DDX49: variants seen among roughly 807,000 people sequenced by gnomAD.
DDX49 encodes the protein probable ATP-dependent RNA helicase DDX49.
In DDX49, 50 loss-of-function variants were observed where a neutral mutation model predicts 56.3. That is an observed-to-expected ratio of 0.89 (90% CI 0.71 to 1.12). DDX49 has a LOEUF of 1.12. Ranked by LOEUF, DDX49 falls within the 50% of genes most tolerant of loss-of-function variation. The probability of loss-of-function intolerance (pLI) is 0.00; values close to 1 mark genes in which losing one functional copy is unlikely to be tolerated. For missense variants in DDX49, 614 were observed against 650.5 expected (o/e 0.94, Z 0.61); for synonymous variants, 269 against 270.6 (o/e 0.99, Z 0.06).
At chr19:18,920,337 C>A (rs754956564) in intron 1 of DDX49, among the ~76,000 whole-genome samples, 1 of 152,138 alleles carries the variant, frequency 6.6e-6, no homozygotes, top group Non-Finnish European at 1.5e-5. Flanking sequence ...ATTAAATAAA[C>A]AAATGAAGGG....
chr19:18,928,381 C>T lies in DDX49; in HGVS notation c.*65C>T. On this transcript the variant is annotated 3_prime_UTR_variant, in exon 13 of 13. Transcript: ENST00000247003. ...GGAGCTGAGGGTCGGAGGAACCTTC[C>T]TTGGGGGCAGCAGCCCTTCCCGGGG... 7.0e-7 allele frequency: 1 copy of T among 1,424,400 alleles called. No homozygotes were observed. 88.2% of individuals were successfully genotyped at this position (1,424,400 alleles called of 1,614,324 possible).
At position 18,928,136 on chromosome 19, in the gene DDX49, CCTG is replaced by C. The variant is rs1568332205; in HGVS notation, c.1273_1275del (p.Leu425del). 6.2e-7 allele frequency: 1 copy of C among 1,607,656 alleles called. No homozygotes were observed. Among genetic ancestry groups the C allele is most frequent in the Non-Finnish European group, 8.5e-7 (1 of 1,177,088 alleles). On this transcript the variant is annotated inframe_deletion, in exon 13 of 13. Coordinates refer to ENST00000247003, the MANE Select transcript of DDX49 (RefSeq NM_019070.5). ...GGTCCTCCCTGTGCCAGGACCCTGA[CCTG>C]GAGGCCAAGCGCAAGGCTGAGCTGG...
intron 4 of DDX49, 158 bp downstream of exon 4, chr19:18,922,122 C>A: frequency 8.2e-7 from 1 of 1,216,238 alleles, no homozygotes; most frequent in Non-Finnish European, 1.1e-6. Context: ...GTTCAAGGAC[C>A]AACAAGAGGG....
chr19:18,920,807 A>G (rs1601246970), intron 2 of DDX49, 104 bp downstream of exon 2: 1 of 1,266,156 alleles, frequency 7.9e-7, no homozygotes, highest in East Asian at 2.6e-5. Flanking sequence ...TGAGATGAGC[A>G]TGAAAATCTT....
chr19:18,922,038 C>T, intron 4 of DDX49, 74 bp downstream of exon 4: 6 of 1,530,836 alleles, frequency 3.9e-6, no homozygotes, highest in Admixed American at 4.0e-5. Flanking sequence ...GAGCCTGGGG[C>T]ACCATCTCAT....
At position 18,927,811 on chromosome 19, in the gene DDX49, A is replaced by C; in HGVS notation, c.1148A>C (p.Gln383Pro). The change falls in exon 11 of 13, where the codon CAG (glutamine) becomes CCG (proline). Residue 383 changes from glutamine (Q) to proline (P), a missense_variant. By Grantham distance (76) the Gln-to-Pro change is moderately conservative (BLOSUM62 -1). Transcript: ENST00000247003. ...EFSVEEAEVL[Q>P]ILTQVNVVRR... ...TCCGTGGAAGAGGCCGAGGTGCTAC[A>C]GATCCTCACACAGGTCAACGTGGTG... 6.2e-7 allele frequency: 1 copy of C among 1,614,016 alleles called. No individual in the cohort carries two copies. Among genetic ancestry groups the C allele is most frequent in the Non-Finnish European group, 8.5e-7 (1 of 1,180,004 alleles).
At chr19:18,921,570 G>A in intron 2 of DDX49, 93 bp from the exon 3 acceptor site, 3 of 1,236,200 alleles carry the variant, frequency 2.4e-6, no homozygotes, top group Non-Finnish European at 3.5e-6. Flanking sequence ...CAGGAGCCTG[G>A]GGGCTCAGGG....
rs1568330052 is a variant in DDX49 at position 18,924,356 on chromosome 19, C to CGGGG, written c.852+49_852+50insGGGG. 5 of 1,550,738 alleles carry CGGGG rather than the reference C, an allele frequency of 3.2e-6. No homozygotes were observed. In the African/African-American group the frequency reaches 6.8e-5, roughly 21 times the overall value. Reference sequence around the variant, plus strand: ...CAGCCTCACCCTGGGATACCTTCCCCGCCTCAGACATTGGCCCCGATCCTT... The same window carrying CGGGG: ...CAGCCTCACCCTGGGATACCTTCCCCGGGGGCCTCAGACATTGGCCCCGATCCTT... On this transcript the variant is annotated intron_variant, in intron 7 of 12. Coordinates refer to ENST00000247003, the MANE Select transcript of DDX49 (RefSeq NM_019070.5).
chr19:18,924,329 G>T, intron 7 of DDX49, 21 bp downstream of exon 7: 1 of 1,578,710 alleles, frequency 6.3e-7, no homozygotes, highest in Non-Finnish European at 8.6e-7. Context: ...CCTGGGGCCC[G>T]CCAGCCTCAC....
At chr19:18,926,415 T>TGGGGTGTTTGTGAGGGGGGGGG in intron 10 of DDX49, 38 bp downstream of exon 10, 1 of 132,550 alleles carries the variant, frequency 7.5e-6, no homozygotes, top group Non-Finnish European at 1.5e-5. Flanking sequence ...GAAGGAGGGG[T>TGGGGTGTTTGTGAGGGGGGGGG]GGGGTGGGCA....
chr19:18,927,732 C>G, intron 10 of DDX49, 34 bp from the exon 11 acceptor site: 11 of 1,522,848 alleles, frequency 7.2e-6, no homozygotes, highest in African/African-American at 1.4e-5. Context: ...ACGTCTCCTC[C>G]CCACCCCCAC....
chr19:18,921,241 C>T (rs894616788), intron 2 of DDX49, among the ~76,000 whole-genome samples: 9 of 151,284 alleles, frequency 5.9e-5, no homozygotes, highest in Non-Finnish European at 7.4e-5. Context: ...GAATGCCAGG[C>T]GGAGGGTTAG....
chr19:18,927,679 A>C (rs2056972548), intron 10 of DDX49, 87 bp from the exon 11 acceptor site: 2 of 1,127,874 alleles, frequency 1.8e-6, no homozygotes, highest in Admixed American at 3.6e-5. Flanking sequence ...CATACCCCAC[A>C]GCATGGGGAA....
At chr19:18,920,518 G>A in intron 1 of DDX49, 62 bp from the exon 2 acceptor site, 1 of 1,526,186 alleles carries the variant, frequency 6.6e-7, no homozygotes, top group East Asian at 2.3e-5. Flanking sequence ...TCCTGGGCAA[G>A]GTCTCTGAAA....
At chr19:18,922,775 G>T in intron 6 of DDX49, 31 bp downstream of exon 6, 1 of 1,601,566 alleles carries the variant, frequency 6.2e-7, no homozygotes, top group Non-Finnish European at 8.5e-7. Context: ...CCCTCCCACC[G>T]CCCTTCAAAG....
Position 18,928,319 on chromosome 19 carries a change from C to T in DDX49, c.*3C>T, listed in dbSNP as rs768238415. ...TCCCCTCCCAGGGCCTGGTCTGAGCCCCACACGGCCATCTGCCCAGTCCTT... is the reference window on the plus strand; with the variant it reads ...TCCCCTCCCAGGGCCTGGTCTGAGCTCCACACGGCCATCTGCCCAGTCCTT... On this transcript the variant is annotated 3_prime_UTR_variant, in exon 13 of 13. Coordinates refer to ENST00000247003, the MANE Select transcript of DDX49 (RefSeq NM_019070.5). The T allele has an allele frequency of 2.0e-6, 3 of 1,530,060 alleles. No individual in the cohort carries two copies. The highest frequency in any genetic ancestry group is 4.8e-5 in the East Asian group (2 of 41,958). 94.8% of individuals were successfully genotyped at this position (1,530,060 alleles called of 1,614,324 possible). A position where few individuals can be genotyped will look rare whatever the true frequency, so the allele number is the denominator to read the frequency against.
At position 18,924,589 on chromosome 19, in the gene DDX49, A is replaced by G. The variant is rs1364348605; in HGVS notation, c.853-34A>G. The G allele has an allele frequency of 4.3e-6, 7 of 1,612,546 alleles. No homozygotes were observed. In the South Asian group the frequency reaches 4.4e-5, roughly 10 times the overall value. On this transcript the variant is annotated intron_variant, in intron 7 of 12. Transcript: ENST00000247003. The stretch of plus-strand genomic sequence containing the variant: ...GCCTCACACAGAAAACCCTGCCTTC[A>G]TGCATTCCCAATTTTCTTCCCAACC...
rs762456435 is a variant in DDX49, at chr19:18,928,096, G to A, written c.1264-32G>A. On this transcript the variant is annotated intron_variant, in intron 12 of 12. Transcript: ENST00000247003. ...CCAGGTTCCCTGGCGGGGGCCGCCA[G>A]CTCAGCCATCCCCTGGTCCTCCCTG... is the stretch of plus-strand genomic sequence containing the variant. 1.2e-4 allele frequency: 186 copies of A among 1,612,398 alleles called. No individual in the cohort carries two copies. In the Middle Eastern group the frequency reaches 3.3e-3, roughly 29 times the overall value.
chr19:18,921,578 G>C (rs976066628), intron 2 of DDX49, 85 bp from the exon 3 acceptor site: 3 of 1,348,094 alleles, frequency 2.2e-6, no homozygotes, highest in African/African-American at 2.9e-5. Context: ...TGGGGGCTCA[G>C]GGAGGAACCC....
Sources: allele counts gnomAD v4.1 joint callset (sites outside exome capture counted in the v4.1 genomes callset), GRCh38; gene constraint gnomAD v4.1.1; transcripts MANE v1.5; gene names NCBI Gene and HGNC (gene_info 2026-07-23, HGNC 2026-07-21).